GPC5: variants seen among roughly 807,000 people sequenced by gnomAD.
GPC5 encodes the protein glypican 5.
Under a neutral mutation model 53.9 loss-of-function variants are expected in GPC5, and 47 were observed. The ratio of observed to expected loss-of-function variants is 0.87; its 90% confidence interval spans 0.69 to 1.11. The LOEUF (loss-of-function observed/expected upper bound fraction) is 1.11, where lower values mean the gene tolerates loss of function less well. GPC5 is among the 50% of genes most tolerant of loss of function. GPC5 has a pLI of 0.00. For missense variants in GPC5, 748 were observed against 713.1 expected (o/e 1.05, Z -0.56); for synonymous variants, 286 against 263.3 (o/e 1.09, Z -0.84).
chr13:92,597,204 A>G (rs1883910346), intron 7 of GPC5, among the ~76,000 whole-genome samples: 1 of 152,142 alleles, frequency 6.6e-6, no homozygotes, highest in Admixed American at 6.5e-5. Flanking sequence ...CCAAGTTGCA[A>G]AAGCATATCT....
intron 6 of GPC5, among the ~76,000 whole-genome samples, chr13:91,973,426 C>T (rs1445556311): frequency 6.6e-6 from 1 of 152,182 alleles, no homozygotes; most frequent in Admixed American, 6.5e-5. Context: ...CCTCCTGTAG[C>T]TTGGAGTGGT....
rs533887246 is a variant in GPC5 at position 92,665,166 on chromosome 13, A to T, written c.1562-201116A>T. Among the ~76,000 whole-genome samples, 3 of 152,156 alleles carry T rather than the reference A, an allele frequency of 2.0e-5. No individual in the cohort carries two copies. The East Asian group carries it at 5.8e-4, about 29-fold the overall frequency. On this transcript the variant is annotated intron_variant, in intron 7 of 7. Coordinates refer to ENST00000377067, the MANE Select transcript of GPC5 (RefSeq NM_004466.6). The stretch of plus-strand genomic sequence containing the variant: ...AAATGATAATTTGCTCTTCTCATTT[A>T]TTTTTTTCCCCAGGAACAACAGTAA...
chr13:92,067,132 A>C (rs1274645036), intron 6 of GPC5, among the ~76,000 whole-genome samples: 2 of 152,122 alleles, frequency 1.3e-5, no homozygotes, highest in African/African-American at 4.8e-5. Context: ...ATCCTATAAA[A>C]GCATTGCAAA....
At position 92,376,157 on chromosome 13, in the gene GPC5, A is replaced by G. The variant is rs140266739; in HGVS notation, c.1561+231168A>G. Among the ~76,000 whole-genome samples the G allele has an allele frequency of 1.9e-3, 288 of 152,328 alleles. 2 individuals carry two copies. The highest frequency in any genetic ancestry group is 6.6e-3 in the African/African-American group (275 of 41,580). On this transcript the variant is annotated intron_variant, in intron 7 of 7. Coordinates refer to ENST00000377067, the MANE Select transcript of GPC5 (RefSeq NM_004466.6). ...CTATGGAGTACTAGAGTTGAGCTGAATGAAGGACACAGCCATATAATTTCC... is the reference window on the plus strand; with the variant it reads ...CTATGGAGTACTAGAGTTGAGCTGAGTGAAGGACACAGCCATATAATTTCC...
intron 7 of GPC5, among the ~76,000 whole-genome samples, chr13:92,663,903 TAC>T (rs1156502271): frequency 3.6e-4 from 30 of 83,180 alleles, no homozygotes; most frequent in African/African-American, 1.6e-3. Context: ...TATATATATA[TAC>T]ACACACACAC....
chr13:92,788,338 G>C (rs1324241421), intron 7 of GPC5, among the ~76,000 whole-genome samples: 1 of 152,018 alleles, frequency 6.6e-6, no homozygotes, highest in Non-Finnish European at 1.5e-5. Context: ...TACAAATGTA[G>C]AGTGTATATA....
At chr13:91,930,165 A>G (rs1467846486) in intron 6 of GPC5, among the ~76,000 whole-genome samples, 1 of 152,102 alleles carries the variant, frequency 6.6e-6, no homozygotes, top group Non-Finnish European at 1.5e-5. Context: ...AAATGGATAG[A>G]ACGACCATGA....
chr13:92,850,156 A>C, intron 7 of GPC5, among the ~76,000 whole-genome samples: 1 of 152,198 alleles, frequency 6.6e-6, no homozygotes, highest in East Asian at 1.9e-4. Flanking sequence ...GAGCAGAGGA[A>C]TTGGAAGAAG....
At chr13:92,298,715 G>T (rs570769685) in intron 7 of GPC5, among the ~76,000 whole-genome samples, 8 of 152,074 alleles carry the variant, frequency 5.3e-5, no homozygotes, top group African/African-American at 1.2e-4. Context: ...CTTCCTTTAG[G>T]GGGTGTGTGG....
chr13:92,228,028 T>C (rs990346766), intron 7 of GPC5, among the ~76,000 whole-genome samples: 10 of 151,982 alleles, frequency 6.6e-5, no homozygotes, highest in African/African-American at 2.4e-4. Flanking sequence ...GTATTTACTT[T>C]TCATAAAGTG....
At chr13:91,550,166 AC>A (rs1253884909) in intron 2 of GPC5, among the ~76,000 whole-genome samples, 2 of 152,160 alleles carry the variant, frequency 1.3e-5, no homozygotes, top group African/African-American at 4.8e-5. Context: ...CCCAATTCCA[AC>A]TGTATGACAT....
chr13:92,371,619 A>G (rs2043650375), intron 7 of GPC5, among the ~76,000 whole-genome samples: 1 of 152,154 alleles, frequency 6.6e-6, no homozygotes. Flanking sequence ...GGTGAGAGAG[A>G]AGCAACGCAT....
At chr13:91,474,220 AAGAGTGCT>A (rs1233787956) in intron 2 of GPC5, among the ~76,000 whole-genome samples, 7 of 152,142 alleles carry the variant, frequency 4.6e-5, no homozygotes, top group Non-Finnish European at 1.0e-4. Flanking sequence ...TATTCTTGGC[AAGAGTGCT>A]TAGTCATTAT....
intron 2 of GPC5, among the ~76,000 whole-genome samples, chr13:91,478,894 T>TACACAC (rs1566435745): frequency 1.2e-4 from 12 of 99,836 alleles, no homozygotes; most frequent in South Asian, 2.8e-4. Flanking sequence ...TATATATATA[T>TACACAC]ATATATATGC....
chr13:91,595,514 TA>T (rs2032962401), intron 2 of GPC5, among the ~76,000 whole-genome samples: 1 of 152,188 alleles, frequency 6.6e-6, no homozygotes, highest in African/African-American at 2.4e-5. Context: ...AATTTTCTAA[TA>T]TATGAAGTTT....
chr13:91,732,220 G>A (rs1484565957), intron 4 of GPC5, among the ~76,000 whole-genome samples: 4 of 152,056 alleles, frequency 2.6e-5, no homozygotes, highest in Admixed American at 6.5e-5. Flanking sequence ...TTTAATGATC[G>A]CCATTCTGAC....
intron 2 of GPC5, among the ~76,000 whole-genome samples, chr13:91,589,887 A>G (rs1202865360): frequency 1.3e-5 from 2 of 152,132 alleles, no homozygotes; most frequent in Non-Finnish European, 2.9e-5. Context: ...TAAATTTTTA[A>G]CTATGGGTAT....
intron 2 of GPC5, among the ~76,000 whole-genome samples, chr13:91,508,961 T>C (rs1446535620): frequency 1.3e-5 from 2 of 152,132 alleles, no homozygotes; most frequent in African/African-American, 4.8e-5. Context: ...TCAAAGCTTG[T>C]GTTCCCCATC....
At chr13:91,859,182 A>G (rs1025665186) in intron 5 of GPC5, among the ~76,000 whole-genome samples, 5 of 151,072 alleles carry the variant, frequency 3.3e-5, no homozygotes, top group African/African-American at 1.2e-4. Flanking sequence ...TTTCTTCTAT[A>G]CTTATTTTGC....
Sources: allele counts gnomAD v4.1 joint callset (sites outside exome capture counted in the v4.1 genomes callset), GRCh38; gene constraint gnomAD v4.1.1; transcripts MANE v1.5; gene names NCBI Gene and HGNC (gene_info 2026-07-23, HGNC 2026-07-21).